The following PTPRD variants were observed in gnomAD, a reference collection of about 807,000 sequenced individuals.
PTPRD encodes the protein receptor-type tyrosine-protein phosphatase delta.
In PTPRD, 34 loss-of-function variants were observed where a neutral mutation model predicts 214.5. The ratio of observed to expected loss-of-function variants is 0.16; its 90% CI spans 0.12 to 0.21. The LOEUF (loss-of-function observed/expected upper bound fraction) is 0.21. PTPRD is among the 10% of genes least tolerant of loss of function. The pLI, the probability that PTPRD is intolerant of heterozygous loss-of-function variation, is 1.00. For synonymous variants in PTPRD, 1,128 were observed against 845.7 expected (o/e 1.33, Z -5.79); for missense variants, 2,545 against 2,398.7 (o/e 1.06, Z -1.27).
chr9:8,420,480 A>G (rs1444244290), intron 35 of PTPRD, among the ~76,000 whole-genome samples: 1 of 152,140 alleles, frequency 6.6e-6, no homozygotes, highest in African/African-American at 2.4e-5. Context: ...GCTTTGTTTC[A>G]AAGTTCATCT....
chr9:9,063,420 C>T (rs2099711346), intron 10 of PTPRD, among the ~76,000 whole-genome samples: 1 of 152,110 alleles, frequency 6.6e-6, no homozygotes, highest in African/African-American at 2.4e-5. Context: ...GGATTTAGCC[C>T]TCACAGGTGA....
intron 11 of PTPRD, among the ~76,000 whole-genome samples, chr9:8,756,648 C>T (rs893968138): frequency 6.6e-6 from 1 of 151,972 alleles, no homozygotes; most frequent in Non-Finnish European, 1.5e-5. Flanking sequence ...CAAGCCTAGT[C>T]CATGCTTAGG....
chr9:8,679,633 T>C (rs1023956906), intron 12 of PTPRD, among the ~76,000 whole-genome samples: 2 of 152,234 alleles, frequency 1.3e-5, no homozygotes, highest in African/African-American at 4.8e-5. Context: ...TGGTTTAGAA[T>C]ATAAATATTT....
chr9:8,833,700 CTATA>C (rs548684582), intron 11 of PTPRD, among the ~76,000 whole-genome samples: 18,638 of 138,654 alleles, frequency 0.13, 1,503 homozygotes, highest in Non-Finnish European at 0.18. Flanking sequence ...CTCTCTCTCT[CTATA>C]TATATATATA....
At chr9:10,526,687 G>T in intron 2 of PTPRD, among the ~76,000 whole-genome samples, 1 of 152,004 alleles carries the variant, frequency 6.6e-6, no homozygotes, top group Non-Finnish European at 1.5e-5. Flanking sequence ...ACATAAAAGA[G>T]TTACCCAAAT....
Position 8,315,848 on chromosome 9 carries a change from G to A in PTPRD, c.*2026C>T, listed in dbSNP as rs1310289491. On this transcript the variant is annotated 3_prime_UTR_variant, in exon 46 of 46. Transcript: ENST00000381196. ...TTAAGAGTTCCTTGGGTATTTTGAG[G>A]ATTATTTAAAATCATGTAATATGTG... The A allele has an allele frequency of 4.5e-6, 1 of 224,450 alleles. No homozygotes were observed. The highest frequency in any genetic ancestry group is 8.9e-6 in the Non-Finnish European group (1 of 112,496). 13.9% of individuals were successfully genotyped at this position (224,450 alleles called of 1,614,324 possible). A position where few individuals can be genotyped will look rare whatever the true frequency, so the allele number is the denominator to read the frequency against.
chr9:9,431,893 C>T (rs149956784), intron 8 of PTPRD, among the ~76,000 whole-genome samples: 38 of 103,264 alleles, frequency 3.7e-4, no homozygotes, highest in Middle Eastern at 7.4e-3. Flanking sequence ...TCACACACCG[C>T]GGCCTGTTGT....
At chr9:8,697,657 A>G (rs1387039784) in intron 12 of PTPRD, among the ~76,000 whole-genome samples, 1 of 134,464 alleles carries the variant, frequency 7.4e-6, no homozygotes, top group East Asian at 2.2e-4. Flanking sequence ...TCCTGACCTC[A>G]AGTAATCCAC....
intron 11 of PTPRD, among the ~76,000 whole-genome samples, chr9:8,865,525 A>G (rs2098180853): frequency 1.3e-5 from 2 of 152,070 alleles, no homozygotes. Context: ...CACTAAATAG[A>G]ATGAATTTCC....
intron 2 of PTPRD, among the ~76,000 whole-genome samples, chr9:10,441,480 ATTAC>A (rs1410229449): frequency 6.6e-6 from 1 of 151,686 alleles, no homozygotes; most frequent in Non-Finnish European, 1.5e-5. Context: ...GAATATATTT[ATTAC>A]ATTTCAAGCC....
chr9:8,327,463 A>G (rs912860497), intron 44 of PTPRD, among the ~76,000 whole-genome samples: 1 of 152,094 alleles, frequency 6.6e-6, no homozygotes, highest in Non-Finnish European at 1.5e-5. Flanking sequence ...ATATGTGGTC[A>G]ATGTTAGAAT....
intron 5 of PTPRD, among the ~76,000 whole-genome samples, chr9:9,938,234 T>C (rs2090249608): frequency 6.6e-6 from 1 of 152,198 alleles, no homozygotes; most frequent in African/African-American, 2.4e-5. Flanking sequence ...ACTCTACTTC[T>C]AGCTCAGATA....
chr9:9,297,853 C>A (rs1490728167), intron 9 of PTPRD, among the ~76,000 whole-genome samples: 1 of 151,588 alleles, frequency 6.6e-6, no homozygotes, highest in African/African-American at 2.4e-5. Flanking sequence ...ACAGAGATAA[C>A]TATGTGTCAT....
intron 7 of PTPRD, among the ~76,000 whole-genome samples, chr9:9,707,257 T>C (rs181481499): frequency 6.6e-6 from 1 of 152,212 alleles, no homozygotes; most frequent in Non-Finnish European, 1.5e-5. Flanking sequence ...AAAACCAGTG[T>C]GCTGTTAAAA....
rs141143981 is a variant in PTPRD at position 9,190,323 on chromosome 9, G to C, written c.-202-6960C>G. 3.9e-3 allele frequency among the ~76,000 whole-genome samples: 600 copies of C among 152,122 alleles called. 3 individuals carry two copies. The highest frequency in any genetic ancestry group is 0.014 in the African/African-American group (579 of 41,538). On this transcript the variant is annotated intron_variant, in intron 9 of 45. Transcript: ENST00000381196. ...CAGAATTCCCACATGTCGTGGGAGGGACCCAGGGGGAGGTAAGTGAATCAT... is the reference window on the plus strand; with the variant it reads ...CAGAATTCCCACATGTCGTGGGAGGCACCCAGGGGGAGGTAAGTGAATCAT...
chr9:8,795,829 G>A (rs116250885), intron 11 of PTPRD, among the ~76,000 whole-genome samples: 1,906 of 152,072 alleles, frequency 0.013, 45 homozygotes, highest in African/African-American at 0.044. Context: ...AGATCTAGAG[G>A]AGAAGATTAT....
intron 8 of PTPRD, among the ~76,000 whole-genome samples, chr9:9,432,201 G>A (rs920477856): frequency 1.3e-5 from 2 of 151,830 alleles, no homozygotes; most frequent in African/African-American, 2.4e-5. Flanking sequence ...AAAAGTAGAA[G>A]GTAAATGGGA....
intron 11 of PTPRD, among the ~76,000 whole-genome samples, chr9:9,014,186 T>G (rs1251349408): frequency 1.4e-5 from 1 of 72,012 alleles, no homozygotes; most frequent in Non-Finnish European, 3.3e-5. Flanking sequence ...CGTTTTTTTT[T>G]GTTTGTTTGT....
intron 4 of PTPRD, among the ~76,000 whole-genome samples, chr9:9,983,435 A>G (rs1486112947): frequency 6.6e-6 from 1 of 152,246 alleles, no homozygotes; most frequent in East Asian, 1.9e-4. Flanking sequence ...CTCTGTATGT[A>G]AAAGTATGCA....
Sources: gnomAD v4.1 joint callset for allele counts (sites outside exome capture counted in the v4.1 genomes callset) on GRCh38, gnomAD v4.1.1 for gene constraint, MANE v1.5 for transcripts, NCBI Gene and HGNC (gene_info 2026-07-23, HGNC 2026-07-21) for gene names.